Variants in ME3 observed in about 807,000 individuals in gnomAD.
The protein encoded by ME3 is malic enzyme 3.
A neutral mutation model predicts 68.9 loss-of-function variants in ME3; 48 were observed. The ratio of observed to expected loss-of-function variants is 0.70; its 90% confidence interval spans 0.55 to 0.89. ME3 has a LOEUF of 0.89. Ranked by LOEUF, ME3 falls within the 40% of genes least tolerant of loss-of-function variation. The probability of loss-of-function intolerance (pLI) is 0.00; values close to 1 mark genes in which losing one functional copy is unlikely to be tolerated. For missense variants in ME3, 675 were observed against 797.4 expected (o/e 0.85, Z 1.85); for synonymous variants, 320 against 318.8 (o/e 1.00, Z -0.04).
intron 7 of ME3, among the ~76,000 whole-genome samples, chr11:86,466,563 C>T (rs972408217): frequency 3.3e-5 from 5 of 152,064 alleles, no homozygotes; most frequent in African/African-American, 9.7e-5. Flanking sequence ...CCTGTGCTCT[C>T]GGGGCATCTT....
rs1368292964 is a variant in ME3 at position 86,448,306 on chromosome 11, A to G, written c.1132-51T>C. 5.2e-6 allele frequency: 7 copies of G among 1,351,800 alleles called. No homozygotes were observed. The East Asian group carries it at 1.6e-4, about 31-fold the overall frequency. 83.7% of individuals were successfully genotyped at this position (1,351,800 alleles called of 1,614,324 possible). A position where few individuals can be genotyped will look rare whatever the true frequency, so the allele number is the denominator to read the frequency against. ...TTGTGGTCGTGATGGCCTGTTGGGTAGGAGTACAGATGCATTTGGAAACTC... is the reference window on the plus strand; with the variant it reads ...TTGTGGTCGTGATGGCCTGTTGGGTGGGAGTACAGATGCATTTGGAAACTC... On this transcript the variant is annotated intron_variant, in intron 10 of 14. Coordinates refer to ENST00000543262, the Ensembl canonical transcript of ME3.
intron 8 of ME3, chr11:86,462,645 G>C: frequency 7.9e-7 from 1 of 1,260,106 alleles, no homozygotes; most frequent in African/African-American, 1.5e-5. Flanking sequence ...CATTTATTAG[G>C]CATCTATCAT....
intron 2 of ME3, among the ~76,000 whole-genome samples, chr11:86,575,937 A>G (rs891191111): frequency 1.3e-5 from 2 of 152,156 alleles, no homozygotes; most frequent in Non-Finnish European, 2.9e-5. Context: ...TGTGAATAAG[A>G]GCTGGGCTTT....
At chr11:86,492,486 T>A (rs1279461915) in intron 6 of ME3, among the ~76,000 whole-genome samples, 1 of 152,238 alleles carries the variant, frequency 6.6e-6, no homozygotes, top group East Asian at 1.9e-4. Flanking sequence ...CCAGGACTCT[T>A]CCCAGGGTGG....
chr11:86,670,333 T>G (rs1946842262), intron 2 of ME3, among the ~76,000 whole-genome samples: 1 of 152,198 alleles, frequency 6.6e-6, no homozygotes, highest in South Asian at 2.1e-4. Flanking sequence ...AGGATGAAAC[T>G]GACCTTGCAG....
At chr11:86,550,161 T>C (rs1372060679) in intron 4 of ME3, among the ~76,000 whole-genome samples, 1 of 152,188 alleles carries the variant, frequency 6.6e-6, no homozygotes, top group East Asian at 1.9e-4. Context: ...CAGCCGGGAC[T>C]GAGAATTGGT....
chr11:86,579,493 C>G (rs771319734), intron 2 of ME3, among the ~76,000 whole-genome samples: 1 of 152,124 alleles, frequency 6.6e-6, no homozygotes, highest in Non-Finnish European at 1.5e-5. Flanking sequence ...AGCCAAGCTC[C>G]CTGAGTGTCA....
intron 2 of ME3, among the ~76,000 whole-genome samples, chr11:86,633,803 G>A (rs986149411): frequency 2.6e-5 from 4 of 152,170 alleles, no homozygotes; most frequent in African/African-American, 9.7e-5. Context: ...TGGGCCTCAT[G>A]GGGTCATTTG....
chr11:86,543,275 T>C (rs1956156997), intron 4 of ME3, among the ~76,000 whole-genome samples: 3 of 152,198 alleles, frequency 2.0e-5, no homozygotes, highest in African/African-American at 4.8e-5. Context: ...GCTAGCATCA[T>C]AATGATAGGA....
chr11:86,631,117 A>G (rs1024073446), intron 2 of ME3, among the ~76,000 whole-genome samples: 3 of 152,230 alleles, frequency 2.0e-5, no homozygotes, highest in Non-Finnish European at 4.4e-5. Context: ...GAAGGATGCT[A>G]TGTACCGAAT....
rs113750783 is a variant in ME3 at position 86,576,690 on chromosome 11, A to G, written c.184-16867T>C. 2.8e-3 allele frequency among the ~76,000 whole-genome samples: 416 copies of G among 149,966 alleles called. 1 individual carries two copies. Among genetic ancestry groups the G allele is most frequent in the African/African-American group, 9.8e-3 (393 of 40,204 alleles). ...GCTGCACCACCATTGGGTGCTCCTC[A>G]ATGTGGGCCCAGCCTGAAGTCCTCC... On this transcript the variant is annotated intron_variant, in intron 2 of 14. Transcript: ENST00000543262.
At chr11:86,655,992 G>A (rs1330050907) in intron 2 of ME3, among the ~76,000 whole-genome samples, 3 of 151,772 alleles carry the variant, frequency 2.0e-5, no homozygotes, top group Non-Finnish European at 2.9e-5. Flanking sequence ...AAAGACACAT[G>A]AAAAAATGCT....
chr11:86,642,003 C>T (rs547145249), intron 2 of ME3, among the ~76,000 whole-genome samples: 1 of 152,208 alleles, frequency 6.6e-6, no homozygotes, highest in South Asian at 2.1e-4. Flanking sequence ...AATCATGGTT[C>T]ATAAAGACAA....
intron 2 of ME3, among the ~76,000 whole-genome samples, chr11:86,612,105 C>G (rs1942626027): frequency 6.6e-6 from 1 of 152,144 alleles, no homozygotes; most frequent in Non-Finnish European, 1.5e-5. Context: ...TGTTTTTCCT[C>G]TCTGTATCCA....
At chr11:86,603,799 C>T (rs1463277698) in intron 2 of ME3, among the ~76,000 whole-genome samples, 2 of 151,522 alleles carry the variant, frequency 1.3e-5, no homozygotes, top group Non-Finnish European at 2.9e-5. Context: ...TTTGTAGGGG[C>T]ATGGATGAAA....
intron 2 of ME3, among the ~76,000 whole-genome samples, chr11:86,645,780 C>T (rs922305720): frequency 6.6e-6 from 1 of 152,192 alleles, no homozygotes; most frequent in Non-Finnish European, 1.5e-5. Context: ...CAGGGGTCAA[C>T]AGACACCTCA....
At chr11:86,653,686 C>G (rs1945640779) in intron 2 of ME3, among the ~76,000 whole-genome samples, 1 of 152,122 alleles carries the variant, frequency 6.6e-6, no homozygotes, top group Non-Finnish European at 1.5e-5. Flanking sequence ...ATTAAAAGAA[C>G]TAGAGAAGCA....
chr11:86,628,021 G>C (rs533096987), intron 2 of ME3, among the ~76,000 whole-genome samples: 13 of 152,308 alleles, frequency 8.5e-5, no homozygotes, highest in African/African-American at 3.1e-4. Flanking sequence ...ACTGTGCTAC[G>C]CAGCCTGAGA....
intron 2 of ME3, among the ~76,000 whole-genome samples, chr11:86,560,168 T>C (rs570112363): frequency 6.6e-6 from 1 of 152,318 alleles, no homozygotes; most frequent in African/African-American, 2.4e-5. Flanking sequence ...TCCAAATCCA[T>C]AGTCCCCATG....
Sources: allele counts gnomAD v4.1 joint callset (sites outside exome capture counted in the v4.1 genomes callset), GRCh38; gene constraint gnomAD v4.1.1; transcripts MANE v1.5; gene names NCBI Gene and HGNC (gene_info 2026-07-23, HGNC 2026-07-21).